MAPK8IP3: variants seen among roughly 807,000 people sequenced by gnomAD.
The protein encoded by MAPK8IP3 is C-Jun-amino-terminal kinase-interacting protein 3.
MAPK8IP3 carries 49 observed loss-of-function variants against 157.8 expected under a neutral mutation model. The observed-to-expected ratio is 0.31, with a 90% CI of 0.25 to 0.39. MAPK8IP3 has a LOEUF of 0.39. Among genes scored for constraint, MAPK8IP3 ranks in the 10% least tolerant of loss-of-function variants. MAPK8IP3 has a pLI of 1.00. For synonymous variants in MAPK8IP3, 897 were observed against 777.7 expected, an observed-to-expected ratio of 1.15 and a Z score of -2.55; for missense variants, 1,478 against 1,889.4, an observed-to-expected ratio of 0.78 and a Z score of 4.04.
Position 1,743,652 on chromosome 16 carries a change from C to A in MAPK8IP3, c.747+176C>A. On this transcript the variant is annotated intron_variant, in intron 5 of 31. Transcript: ENST00000610761. The surrounding 1 kb of genome is among the most constrained non-coding windows in gnomAD (Gnocchi z 5.6). ...GCCAGGGTGTCAGGGGCTCAGGCTG[C>A]CCAGCAGGCCCTGTGTGGCTGTGGC... 1 of 1,431,190 alleles carries A rather than the reference C, an allele frequency of 7.0e-7. No individual in the cohort carries two copies. 88.7% of individuals were successfully genotyped at this position (1,431,190 alleles called of 1,614,324 possible).
Position 1,706,251 on chromosome 16 carries a change from G to C in MAPK8IP3, c.-89G>C. ...GGCGACAGCAGCTGCGGGAGGCGAC[G>C]GGCTGCGGCCTGCGGAACCTGAGGC... On this transcript the variant is annotated 5_prime_UTR_variant, in exon 1 of 32. Transcript: ENST00000610761. This position sits in a 1 kb window ranked among gnomAD's most constrained non-coding sequence, Gnocchi z 5.1. 8.1e-7 allele frequency: 1 copy of C among 1,236,500 alleles called. No homozygotes were observed. The highest frequency in any genetic ancestry group is 3.0e-5 in the East Asian group (1 of 32,824). The allele number at this position is 1,236,500 out of a possible 1,614,324, so 76.6% of individuals were successfully genotyped here.
At chr16:1,740,702 C>T (rs981863649) in intron 4 of MAPK8IP3, among the ~76,000 whole-genome samples, 13 of 152,244 alleles carry the variant, frequency 8.5e-5, no homozygotes, top group African/African-American at 2.9e-4. Context: ...CAGTCCTCGT[C>T]AGTCGTGGAG....
intron 21 of MAPK8IP3, 32 bp downstream of exon 21, chr16:1,766,174 C>T: frequency 6.2e-7 from 1 of 1,602,254 alleles, no homozygotes; most frequent in Non-Finnish European, 8.5e-7. Context: ...CCCATCCCCT[C>T]ATTCCCACGT....
Position 1,767,743 on chromosome 16 carries a change from G to T in MAPK8IP3, c.3409+8G>T. 1.2e-6 allele frequency: 2 copies of T among 1,612,416 alleles called. No individual in the cohort carries two copies. Among genetic ancestry groups the T allele is most frequent in the East Asian group, 2.2e-5 (1 of 44,874 alleles). ...ACGTCAGCAAGATGCTAGGTGAGGG[G>T]CCACGCCAGATGGGGTGGTGGGGTG... is the stretch of plus-strand genomic sequence containing the variant. On this transcript the variant is annotated splice_region_variant and intron_variant, in intron 27 of 31. Coordinates refer to ENST00000610761, the MANE Select transcript of MAPK8IP3 (RefSeq NM_001318852.2).
intron 27 of MAPK8IP3, 30 bp downstream of exon 27, chr16:1,767,765 G>A: frequency 6.2e-7 from 1 of 1,611,920 alleles, no homozygotes; most frequent in Non-Finnish European, 8.5e-7. Context: ...GGGGTGGTGG[G>A]GTGCTCAAGG....
chr16:1,718,260 C>G (rs904964868), intron 1 of MAPK8IP3, among the ~76,000 whole-genome samples: 1 of 151,500 alleles, frequency 6.6e-6, no homozygotes, highest in Non-Finnish European at 1.5e-5. Context: ...CCTCGGCTCA[C>G]TGCAACCTCT....
At chr16:1,753,010 C>T (rs1304230009) in intron 8 of MAPK8IP3, among the ~76,000 whole-genome samples, 1 of 152,170 alleles carries the variant, frequency 6.6e-6, no homozygotes, top group African/African-American at 2.4e-5. Flanking sequence ...GGCTGCCAAG[C>T]AGGGGAGAGC....
chr16:1,741,566 C>T lies in MAPK8IP3; in HGVS notation c.603-1766C>T, dbSNP rs1418827994. Among the ~76,000 whole-genome samples, 1 of 152,092 alleles carries T rather than the reference C, an allele frequency of 6.6e-6. No individual in the cohort carries two copies. The highest frequency in any genetic ancestry group is 1.5e-5 in the Non-Finnish European group (1 of 67,998). ...CTAGGGACTGAGACGTGTCTGATGG[C>T]GTCAGAACTGGGCCTCAGCAGAGGC... On this transcript the variant is annotated intron_variant, in intron 4 of 31. Transcript: ENST00000610761. This position sits in a 1 kb window ranked among gnomAD's most constrained non-coding sequence, Gnocchi z 6.9.
In MAPK8IP3 at chr16:1,768,255, G is replaced by A. The variant is rs1483691329; in HGVS notation, c.3619G>A (p.Val1207Met). 3 of 1,612,328 alleles carry A rather than the reference G, an allele frequency of 1.9e-6. No homozygotes were observed. The highest frequency in any genetic ancestry group is 1.7e-6 in the Non-Finnish European group (2 of 1,179,992). Residue 1207 changes from valine to methionine, a missense_variant, in exon 30 of 32, where the codon GTG becomes ATG. Physicochemically the swap from Val to Met is conservative, Grantham distance 21 (BLOSUM62 1). Transcript: ENST00000610761. ...CGCCCGTCCCGGGGGCATCATCCAC[G>A]TGTATGGCGATGACAGCAGTGACAG... ...EGARPGGIIH[V>M]YGDDSSDRAA...
rs144265588 is a variant in MAPK8IP3 at position 1,765,829 on chromosome 16, T to C, written c.2447-131T>C. ...TCGTGGGTGGGCTGTGGGTGGAGCA[T>C]GTGTGGAAGCTGGGTCTGCTGGGAA... On this transcript the variant is annotated intron_variant, in intron 20 of 31. Transcript: ENST00000610761. 9.5e-3 allele frequency: 7,621 copies of C among 799,718 alleles called. 57 individuals carry two copies. The highest frequency in any genetic ancestry group is 0.014 in the Non-Finnish European group (6,799 of 499,934). 49.5% of individuals were successfully genotyped at this position (799,718 alleles called of 1,614,324 possible). A position where few individuals can be genotyped will look rare whatever the true frequency, so the allele number is the denominator to read the frequency against.
rs532892890 is a variant in MAPK8IP3, at chr16:1,747,220, C to A, written c.939C>A (p.Arg313=). 5.6e-6 allele frequency: 9 copies of A among 1,613,678 alleles called. No homozygotes were observed. In the African/African-American group the frequency reaches 9.3e-5, roughly 17 times the overall value. The change falls in exon 6 of 32, where the codon CGC becomes CGA. Residue 313 remains arginine, a synonymous_variant. Coordinates refer to ENST00000610761, the MANE Select transcript of MAPK8IP3 (RefSeq NM_001318852.2). ...SKNSKRAREK[R]DSRNMEVQVT... Reference sequence around the variant, plus strand: ...ACAGCAAGCGTGCCCGGGAGAAGCGCGACAGCCGCAACATGGAAGTACAGG... The same window carrying A: ...ACAGCAAGCGTGCCCGGGAGAAGCGAGACAGCCGCAACATGGAAGTACAGG...
Position 1,768,555 on chromosome 16 carries a change from A to G in MAPK8IP3, c.3821A>G (p.Glu1274Gly), listed in dbSNP as rs532076818. The change falls in exon 31 of 32, where the codon GAG becomes GGG. Residue 1274 changes from glutamate to glycine, a missense_variant. Coordinates refer to ENST00000610761, the MANE Select transcript of MAPK8IP3 (RefSeq NM_001318852.2). ...EGPGPAAPASEVEGQKLRNVL... is the reference protein window; with the variant it reads ...EGPGPAAPASGVEGQKLRNVL... ...CCTGGGCCAGCTGCCCCTGCCTCGG[A>G]GGTCGAGGGCCAGAAGCTGCGGAAC... The G allele has an allele frequency of 1.3e-6, 2 of 1,571,638 alleles. No individual in the cohort carries two copies. Among genetic ancestry groups the G allele is most frequent in the Non-Finnish European group, 1.7e-6 (2 of 1,159,546 alleles).
intron 12 of MAPK8IP3, 106 bp downstream of exon 12, chr16:1,760,638 A>G (rs1159951489): frequency 2.2e-6 from 3 of 1,371,512 alleles, no homozygotes; most frequent in Admixed American, 5.0e-5. Context: ...GGCTCTGTGC[A>G]TAGCCTACCT....
intron 2 of MAPK8IP3, among the ~76,000 whole-genome samples, chr16:1,725,988 A>G (rs1277325488): frequency 6.6e-6 from 1 of 152,232 alleles, no homozygotes; most frequent in Non-Finnish European, 1.5e-5. Flanking sequence ...CTGGCCCCAG[A>G]TGTTTTAATG....
chr16:1,722,119 C>T (rs1025251445), intron 1 of MAPK8IP3, among the ~76,000 whole-genome samples: 3 of 152,172 alleles, frequency 2.0e-5, no homozygotes, highest in Non-Finnish European at 2.9e-5. Flanking sequence ...TGTGTGTGTT[C>T]TTCATATGCT....
chr16:1,738,976 G>T (rs867317333), intron 4 of MAPK8IP3, among the ~76,000 whole-genome samples: 1 of 144,800 alleles, frequency 6.9e-6, no homozygotes, highest in Non-Finnish European at 1.5e-5. Flanking sequence ...GTGACCGTCC[G>T]TGTGAGCATG....
intron 4 of MAPK8IP3, among the ~76,000 whole-genome samples, chr16:1,732,951 C>T (rs896593988): frequency 3.3e-5 from 5 of 152,262 alleles, no homozygotes; most frequent in Admixed American, 3.3e-4. Flanking sequence ...CAGGTGTTTC[C>T]ATCAGATCCC....
intron 19 of MAPK8IP3, 90 bp from the exon 20 acceptor site, chr16:1,764,923 C>A (rs1419326024): frequency 4.5e-6 from 6 of 1,331,334 alleles, no homozygotes; most frequent in Non-Finnish European, 6.3e-6. Flanking sequence ...AAGGCTGGAT[C>A]CTGACAGATT....
In MAPK8IP3 at chr16:1,747,203, C is replaced by T. The variant is rs1222738846; in HGVS notation, c.922C>T (p.Arg308Cys). ...DYGVGSKNSK[R>C]AREKRDSRNM... Reference sequence around the variant, plus strand: ...TGGCGTGGGCTCCAAGAACAGCAAGCGTGCCCGGGAGAAGCGCGACAGCCG... The same window carrying T: ...TGGCGTGGGCTCCAAGAACAGCAAGTGTGCCCGGGAGAAGCGCGACAGCCG... The change falls in exon 6 of 32, where the codon CGT becomes TGT. Residue 308 changes from arginine (R) to cysteine (C), a missense_variant. By Grantham distance (180) the Arg-to-Cys change is radical. Transcript: ENST00000610761. 1.2e-5 allele frequency: 19 copies of T among 1,613,696 alleles called. No individual in the cohort carries two copies. The highest frequency in any genetic ancestry group is 3.3e-5 in the South Asian group (3 of 91,092).
Sources: gnomAD v4.1 joint callset for allele counts (sites outside exome capture counted in the v4.1 genomes callset) on GRCh38, gnomAD v4.1.1 for gene constraint, Gnocchi (gnomAD v3.1) non-coding constraint, MANE v1.5 for transcripts, NCBI Gene and HGNC (gene_info 2026-07-23, HGNC 2026-07-21) for gene names.